Variants in MFSD11 observed in about 807,000 individuals in gnomAD.
MFSD11 encodes the protein major facilitator superfamily domain containing 11.
MFSD11 carries 36 observed loss-of-function variants against 53.5 expected under a neutral mutation model. The observed-to-expected ratio is 0.67, with a 90% CI of 0.52 to 0.89. The LOEUF is 0.89. Ranked by LOEUF, MFSD11 falls within the 40% of genes least tolerant of loss-of-function variation. MFSD11 has a pLI of 0.00. For missense variants in MFSD11, 530 were observed against 543.9 expected, an observed-to-expected ratio of 0.97 and a Z score of 0.25; for synonymous variants, 186 against 184.9, an observed-to-expected ratio of 1.01 and a Z score of -0.05.
At chr17:76,801,150 G>A in the MFSD11 span, among the ~76,000 whole-genome samples, 1 of 151,600 alleles carries the variant, frequency 6.6e-6, no homozygotes, top group Non-Finnish European at 1.5e-5. Context: ...CCAGCACTTC[G>A]GGCGGCTGAG....
downstream of MFSD11, among the ~76,000 whole-genome samples, chr17:76,784,487 C>A (rs767613796): frequency 6.6e-6 from 1 of 151,888 alleles, no homozygotes; most frequent in Non-Finnish European, 1.5e-5. Context: ...GAGCTGAGAT[C>A]GTGCCACTGC....
the MFSD11 span, among the ~76,000 whole-genome samples, chr17:76,787,821 C>T: frequency 3.3e-5 from 5 of 149,486 alleles, 1 homozygote; most frequent in Admixed American, 6.7e-5. Flanking sequence ...CCACCTTTTT[C>T]GGAGTTTAGG....
chr17:76,775,859 C>A (rs1420540166), intron 11 of MFSD11, among the ~76,000 whole-genome samples: 2 of 152,208 alleles, frequency 1.3e-5, no homozygotes, highest in African/African-American at 4.8e-5. Flanking sequence ...ATAAGGGATA[C>A]TCAACCTGCA....
At chr17:76,749,135 TCA>T (rs1419321816) in intron 7 of MFSD11, among the ~76,000 whole-genome samples, 1 of 152,202 alleles carries the variant, frequency 6.6e-6, no homozygotes, top group Non-Finnish European at 1.5e-5. Context: ...TTGAGTATAT[TCA>T]CAGAGTTGTG....
Position 76,776,966 on chromosome 17 carries a change from TA to T in MFSD11, c.1185+426del, listed in dbSNP as rs1285776657. Among the ~76,000 whole-genome samples, 2 of 152,004 alleles carry T rather than the reference TA, an allele frequency of 1.3e-5. No individual in the cohort carries two copies. Among genetic ancestry groups the T allele is most frequent in the East Asian group, 1.9e-4 (1 of 5,166 alleles). ...CCGCACCTGGTCTATTTTTTTATTTTATTTTTTTTTAAAGACAAAGTCGGCC... is the reference window on the plus strand; with the variant it reads ...CCGCACCTGGTCTATTTTTTTATTTTTTTTTTTTTAAAGACAAAGTCGGCC... On this transcript the variant is annotated intron_variant, in intron 12 of 12. Coordinates refer to ENST00000685175, the MANE Select transcript of MFSD11 (RefSeq NM_001242532.5). The surrounding 1 kb of genome is among the most constrained non-coding windows in gnomAD (Gnocchi z 4.2).
intron 4 of MFSD11, 24 bp from the exon 5 acceptor site, chr17:76,742,153 A>G: frequency 6.2e-7 from 1 of 1,613,874 alleles, no homozygotes; most frequent in Non-Finnish European, 8.5e-7. Flanking sequence ...CTTTCCCTTG[A>G]TAAACTTTTG....
At position 76,776,900 on chromosome 17, in the gene MFSD11, C is replaced by T. The variant is rs1170840201; in HGVS notation, c.1185+359C>T. Among the ~76,000 whole-genome samples, 1 of 152,060 alleles carries T rather than the reference C, an allele frequency of 6.6e-6. No homozygotes were observed. Among genetic ancestry groups the T allele is most frequent in the African/African-American group, 2.4e-5 (1 of 41,444 alleles). On this transcript the variant is annotated intron_variant, in intron 12 of 12. Transcript: ENST00000685175. This position sits in a 1 kb window ranked among gnomAD's most constrained non-coding sequence, Gnocchi z 4.2. ...CTTCTGACCTCAGGTGATCCACCTG[C>T]CTTGGCCTCCCAAAGTGCTGGGGAT...
At chr17:76,772,305 G>A (rs375430181) in intron 10 of MFSD11, among the ~76,000 whole-genome samples, 33 of 151,632 alleles carry the variant, frequency 2.2e-4, no homozygotes, top group Middle Eastern at 6.8e-3. Context: ...TATGCCTGTC[G>A]TCCCAGCTAC....
chr17:76,737,595 G>A (rs2077595946), upstream of MFSD11: 1 of 226,862 alleles, frequency 4.4e-6, no homozygotes, highest in Non-Finnish European at 8.8e-6. Flanking sequence ...GAGGCCGGAC[G>A]ATCGCGATTG....
intron 2 of MFSD11, among the ~76,000 whole-genome samples, chr17:76,739,862 T>C (rs1343492510): frequency 6.6e-6 from 1 of 152,206 alleles, no homozygotes; most frequent in Non-Finnish European, 1.5e-5. Context: ...TTTGTCTTCA[T>C]GTGTATTCTA....
chr17:76,799,958 T>TTC, the MFSD11 span, among the ~76,000 whole-genome samples: 2 of 135,212 alleles, frequency 1.5e-5, no homozygotes, highest in Non-Finnish European at 1.6e-5. Flanking sequence ...CTTTTTCCTT[T>TTC]TTTTTTTTTT....
At chr17:76,783,860 G>GACCCC (rs1354192658), downstream of MFSD11, among the ~76,000 whole-genome samples, 2 of 151,764 alleles carry the variant, frequency 1.3e-5, no homozygotes, top group Non-Finnish European at 2.9e-5. Context: ...CCCCACTCCT[G>GACCCC]ACCCCCTTGG....
At position 76,744,373 on chromosome 17, in the gene MFSD11, G is replaced by A; in HGVS notation, c.548G>A (p.Gly183Glu). The A allele has an allele frequency of 3.4e-5, 55 of 1,614,012 alleles. No individual in the cohort carries two copies. The highest frequency in any genetic ancestry group is 4.6e-5 in the Non-Finnish European group (54 of 1,179,958). The part of the protein sequence containing the change: ...FIALTVISLV[G>E]TVLFFLIRKP... Reference sequence around the variant, plus strand: ...GCCCTAACGGTGATTAGCCTTGTGGGGACAGTTCTATTCTTTCTCATTCGG... The same window carrying A: ...GCCCTAACGGTGATTAGCCTTGTGGAGACAGTTCTATTCTTTCTCATTCGG... The change falls in exon 7 of 13, where the codon GGG becomes GAG. Residue 183 changes from glycine to glutamate, a missense_variant. Gly to Glu is a moderately conservative substitution (Grantham distance 98). Transcript: ENST00000685175.
chr17:76,802,843 C>T, the MFSD11 span, among the ~76,000 whole-genome samples: 4 of 152,146 alleles, frequency 2.6e-5, no homozygotes, highest in Non-Finnish European at 4.4e-5. Context: ...ACCCCCATTA[C>T]ACCCATGATC....
chr17:76,738,173 G>A lies in MFSD11; in HGVS notation c.-180G>A, dbSNP rs1044533659. The A allele has an allele frequency of 3.3e-5, 20 of 606,092 alleles. No individual in the cohort carries two copies. The highest frequency in any genetic ancestry group is 5.5e-5 in the Non-Finnish European group (19 of 342,440). 37.5% of individuals were successfully genotyped at this position (606,092 alleles called of 1,614,324 possible). On this transcript the variant is annotated 5_prime_UTR_variant, in exon 1 of 13. Transcript: ENST00000685175. ...GGAGTATCCTAACTGCCGGTGGGGA[G>A]AACTTCGCCCTAAACCTGGGGTTCC...
chr17:76,784,145 A>T (rs1232672890), downstream of MFSD11, among the ~76,000 whole-genome samples: 1 of 152,218 alleles, frequency 6.6e-6, no homozygotes. Context: ...AAGAGTTAAA[A>T]GCAGACTTGA....
chr17:76,768,074 G>A (rs758963512), intron 9 of MFSD11, among the ~76,000 whole-genome samples: 255 of 152,200 alleles, frequency 1.7e-3, no homozygotes, highest in Non-Finnish European at 3.1e-3. Context: ...AGGCTGAGGC[G>A]GGTGGATTGC....
At chr17:76,772,342 G>C (rs2081439639) in intron 10 of MFSD11, among the ~76,000 whole-genome samples, 1 of 151,720 alleles carries the variant, frequency 6.6e-6, no homozygotes, top group Non-Finnish European at 1.5e-5. Flanking sequence ...GGAGGTTGCA[G>C]TGAATCCAGA....
At chr17:76,737,548 G>A (rs571278098), upstream of MFSD11, 5 of 264,296 alleles carry the variant, frequency 1.9e-5, no homozygotes, top group South Asian at 1.2e-4. Flanking sequence ...GAATTAGCGG[G>A]CAGTTGGAAA....
Sources: allele counts gnomAD v4.1 joint callset (sites outside exome capture counted in the v4.1 genomes callset), GRCh38; gene constraint gnomAD v4.1.1; non-coding constraint Gnocchi (gnomAD v3.1); transcripts MANE v1.5; gene names NCBI Gene and HGNC (gene_info 2026-07-23, HGNC 2026-07-21).